Variants in SLC39A11 observed in about 807,000 individuals in gnomAD.
SLC39A11 encodes zinc transporter ZIP11.
SLC39A11 carries 33 observed loss-of-function variants against 36.1 expected under a neutral mutation model. The observed-to-expected ratio is 0.91, with a 90% CI of 0.69 to 1.22. The LOEUF is 1.22. SLC39A11 is among the 50% of genes most tolerant of loss of function. The probability of loss-of-function intolerance (pLI) is 0.00; values close to 1 mark genes in which losing one functional copy is unlikely to be tolerated. For synonymous variants in SLC39A11, 166 were observed against 170.3 expected, an observed-to-expected ratio of 0.97 and a Z score of 0.20; for missense variants, 432 against 430.3, an observed-to-expected ratio of 1.00 and a Z score of -0.03.
At chr17:72,844,730 T>C (rs756579299) in intron 6 of SLC39A11, among the ~76,000 whole-genome samples, 3 of 152,168 alleles carry the variant, frequency 2.0e-5, no homozygotes, top group Non-Finnish European at 4.4e-5. Flanking sequence ...TCTATAACTC[T>C]AGCTAGACTT....
Position 72,886,189 on chromosome 17 carries a change from G to A in SLC39A11, c.431-36385C>T, listed in dbSNP as rs185614667. Among the ~76,000 whole-genome samples the A allele has an allele frequency of 1.7e-3, 262 of 152,122 alleles. 5 individuals carry two copies. In the South Asian group the frequency reaches 0.028, roughly 16 times the overall value. On this transcript the variant is annotated intron_variant, in intron 5 of 9. Coordinates refer to ENST00000255559, the MANE Select transcript of SLC39A11 (RefSeq NM_139177.4). ...TGGTGCTCGGTCCTCAGTGCTCTTC[G>A]CTCTCCTGCCTACACAGGCTCCCCT... is the stretch of plus-strand genomic sequence containing the variant.
chr17:72,900,617 C>T (rs1467384241), intron 5 of SLC39A11, among the ~76,000 whole-genome samples: 1 of 151,494 alleles, frequency 6.6e-6, no homozygotes, highest in African/African-American at 2.4e-5. Flanking sequence ...GGAGACCTTA[C>T]TGCAAGAGGG....
intron 3 of SLC39A11, among the ~76,000 whole-genome samples, chr17:73,081,733 G>GTATA (rs36165884): frequency 8.3e-4 from 118 of 142,536 alleles, no homozygotes; most frequent in South Asian, 3.3e-3. Context: ...ATATATGTAT[G>GTATA]TATATATATA....
chr17:73,019,036 G>A (rs929564296), intron 4 of SLC39A11, among the ~76,000 whole-genome samples: 9 of 152,038 alleles, frequency 5.9e-5, no homozygotes, highest in African/African-American at 9.7e-5. Context: ...CATCTTCAAC[G>A]TCCTAAAAGC....
intron 3 of SLC39A11, among the ~76,000 whole-genome samples, chr17:73,039,267 C>T (rs1318325069): frequency 2.0e-5 from 3 of 152,136 alleles, no homozygotes; most frequent in Non-Finnish European, 4.4e-5. Context: ...ATGCCTTCTG[C>T]AGACATCCTC....
At chr17:72,946,810 AG>A (rs1250868891) in intron 5 of SLC39A11, among the ~76,000 whole-genome samples, 7 of 152,320 alleles carry the variant, frequency 4.6e-5, no homozygotes, top group South Asian at 2.1e-4. Flanking sequence ...CAAGAAGGAG[AG>A]GCGTCTGACC....
At chr17:72,855,822 G>A (rs939633686) in intron 5 of SLC39A11, among the ~76,000 whole-genome samples, 12 of 151,948 alleles carry the variant, frequency 7.9e-5, no homozygotes, top group East Asian at 5.8e-4. Flanking sequence ...GCGTGAACCC[G>A]GGAGGCGGAG....
intron 4 of SLC39A11, among the ~76,000 whole-genome samples, chr17:73,021,436 T>G (rs2058349866): frequency 6.6e-6 from 1 of 151,836 alleles, no homozygotes; most frequent in Non-Finnish European, 1.5e-5. Flanking sequence ...GCCTCCTGGG[T>G]TCAAGCAATT....
intron 7 of SLC39A11, among the ~76,000 whole-genome samples, chr17:72,721,533 G>A (rs1316846216): frequency 6.6e-6 from 1 of 152,164 alleles, no homozygotes. Flanking sequence ...AGACAGCACA[G>A]GACTGGGCAC....
intron 5 of SLC39A11, among the ~76,000 whole-genome samples, chr17:72,869,614 A>T (rs564281763): frequency 3.4e-4 from 51 of 152,146 alleles, no homozygotes; most frequent in Non-Finnish European, 5.9e-4. Flanking sequence ...TCCTGACCTC[A>T]GGTGATCCAC....
At position 72,902,322 on chromosome 17, in the gene SLC39A11, A is replaced by G. The variant is rs536496097; in HGVS notation, c.430+45430T>C. ...AAAAGGAAGAGGAGAGGACACACAGAGGCCAGGCGACATCAAAAGCAGAGA... is the reference window on the plus strand; with the variant it reads ...AAAAGGAAGAGGAGAGGACACACAGGGGCCAGGCGACATCAAAAGCAGAGA... On this transcript the variant is annotated intron_variant, in intron 5 of 9. Transcript: ENST00000255559. Among the ~76,000 whole-genome samples, 43 of 152,072 alleles carry G rather than the reference A, an allele frequency of 2.8e-4. No individual in the cohort carries two copies. In the South Asian group the frequency reaches 8.7e-3, roughly 31 times the overall value.
intron 4 of SLC39A11, among the ~76,000 whole-genome samples, chr17:72,968,243 A>G (rs1044824715): frequency 3.9e-4 from 60 of 152,366 alleles, no homozygotes; most frequent in African/African-American, 1.4e-3. Context: ...AAAGGAAGGC[A>G]TCTGCGAGGT....
At chr17:72,700,096 G>A (rs1567961037) in intron 7 of SLC39A11, among the ~76,000 whole-genome samples, 1 of 152,128 alleles carries the variant, frequency 6.6e-6, no homozygotes, top group East Asian at 1.9e-4. Flanking sequence ...TTGCCAGTCA[G>A]CCTGCCATCG....
At chr17:73,006,887 C>G (rs1001322348) in intron 4 of SLC39A11, among the ~76,000 whole-genome samples, 1 of 152,148 alleles carries the variant, frequency 6.6e-6, no homozygotes, top group African/African-American at 2.4e-5. Flanking sequence ...ATGTCCCAGG[C>G]ACTGTTCTAA....
chr17:72,853,423 C>T (rs891934192), intron 5 of SLC39A11, among the ~76,000 whole-genome samples: 1 of 151,978 alleles, frequency 6.6e-6, no homozygotes, highest in Admixed American at 6.6e-5. Flanking sequence ...TAACAATCAC[C>T]GACAGTTGCG....
intron 4 of SLC39A11, among the ~76,000 whole-genome samples, chr17:73,016,456 C>T (rs2058170222): frequency 6.6e-6 from 1 of 152,202 alleles, no homozygotes; most frequent in Non-Finnish European, 1.5e-5. Context: ...GCCTCAGCCT[C>T]CCGAGTAGCT....
intron 6 of SLC39A11, among the ~76,000 whole-genome samples, chr17:72,845,940 C>CTCGCTGTG (rs1235002725): frequency 1.3e-5 from 2 of 150,204 alleles, no homozygotes; most frequent in African/African-American, 2.4e-5. Context: ...GAGACGGAGT[C>CTCGCTGTG]TCGCTGTGTC....
At chr17:72,705,811 T>G (rs1244535262) in intron 7 of SLC39A11, among the ~76,000 whole-genome samples, 1 of 152,228 alleles carries the variant, frequency 6.6e-6, no homozygotes, top group Non-Finnish European at 1.5e-5. Context: ...ACGGGTACAA[T>G]TCCATCTCTT....
At chr17:73,050,054 GA>G (rs1255484894) in intron 3 of SLC39A11, among the ~76,000 whole-genome samples, 2 of 152,158 alleles carry the variant, frequency 1.3e-5, no homozygotes, top group African/African-American at 4.8e-5. Flanking sequence ...CCGGGAAGAA[GA>G]GGTTGCAGTG....
Sources: allele counts gnomAD v4.1 joint callset (sites outside exome capture counted in the v4.1 genomes callset), GRCh38; gene constraint gnomAD v4.1.1; transcripts MANE v1.5; gene names NCBI Gene and HGNC (gene_info 2026-07-23, HGNC 2026-07-21).